The following GRK3 variants were observed in gnomAD, a reference collection of about 807,000 sequenced individuals.
The protein encoded by GRK3 is adrenergic, beta, receptor kinase 2.
In GRK3, 54 loss-of-function variants were observed where a neutral mutation model predicts 95.7. The ratio of observed to expected loss-of-function variants is 0.56; its 90% confidence interval spans 0.45 to 0.71. The LOEUF (loss-of-function observed/expected upper bound fraction) is 0.71, where lower values mean the gene tolerates loss of function less well. GRK3 is among the 30% of genes least tolerant of loss of function. The probability of loss-of-function intolerance (pLI) is 0.00; values close to 1 mark genes in which losing one functional copy is unlikely to be tolerated. For missense variants in GRK3, 649 were observed against 851.2 expected (o/e 0.76, Z 2.96); for synonymous variants, 281 against 290.8 (o/e 0.97, Z 0.34).
intron 8 of GRK3, among the ~76,000 whole-genome samples, chr22:25,676,708 AT>A (rs2085032783): frequency 6.6e-6 from 1 of 151,882 alleles, no homozygotes; most frequent in South Asian, 2.1e-4. Context: ...AAAAAAGGAA[AT>A]AATATCAACT....
In GRK3 at chr22:25,649,182, G is replaced by A; in HGVS notation, c.264+4517G>A. The A allele has an allele frequency of 1.1e-5, 15 of 1,357,240 alleles. No individual in the cohort carries two copies. The South Asian group carries it at 1.8e-4, about 16-fold the overall frequency. The allele number at this position is 1,357,240 out of a possible 1,614,324, so 84.1% of individuals were successfully genotyped here. On this transcript the variant is annotated intron_variant, in intron 3 of 20. Transcript: ENST00000324198. ...ATTTGAATATGTTCAGTCCTTCTTG[G>A]GAGACTACTTCACTGCTACAGAGCC...
chr22:25,722,191 C>A, intron 20 of GRK3, 98 bp from the exon 21 acceptor site: 1 of 1,407,106 alleles, frequency 7.1e-7, no homozygotes, highest in Non-Finnish European at 9.9e-7. Flanking sequence ...GTGCTTCCTT[C>A]AGGGGTTCCA....
At chr22:25,565,235 G>C (rs1414910069) in intron 1 of GRK3, 82 bp downstream of exon 1, 2 of 644,464 alleles carry the variant, frequency 3.1e-6, no homozygotes, top group Admixed American at 9.0e-5. Flanking sequence ...TGGAGGGTCG[G>C]GCGCTGAGCC....
At chr22:25,611,544 T>C (rs1006156208) in intron 2 of GRK3, among the ~76,000 whole-genome samples, 5 of 152,224 alleles carry the variant, frequency 3.3e-5, no homozygotes, top group Non-Finnish European at 5.9e-5. Context: ...CTTGTTGTGG[T>C]CTTGATTTGT....
At chr22:25,611,832 T>C (rs2084499509) in intron 2 of GRK3, among the ~76,000 whole-genome samples, 1 of 118,326 alleles carries the variant, frequency 8.5e-6, no homozygotes, top group South Asian at 2.9e-4. Context: ...GTTTAGTGTC[T>C]TTTTTTTTTT....
intron 3 of GRK3, chr22:25,648,157 G>A (rs1452561734): frequency 2.0e-5 from 13 of 664,192 alleles, no homozygotes; most frequent in Middle Eastern, 4.3e-4. Flanking sequence ...AAACAAAAAC[G>A]AGAGAGCGAA....
At chr22:25,595,448 T>C (rs555390524) in intron 1 of GRK3, among the ~76,000 whole-genome samples, 3 of 152,274 alleles carry the variant, frequency 2.0e-5, no homozygotes, top group Non-Finnish European at 4.4e-5. Context: ...TCAAATTACT[T>C]TTTGTGTGTA....
intron 2 of GRK3, among the ~76,000 whole-genome samples, chr22:25,629,848 T>C (rs1365682273): frequency 1.3e-5 from 2 of 152,196 alleles, no homozygotes; most frequent in African/African-American, 4.8e-5. Flanking sequence ...GAGGGTGCTG[T>C]TGCTGTCATC....
intron 2 of GRK3, among the ~76,000 whole-genome samples, chr22:25,615,637 C>T (rs1178111241): frequency 2.1e-5 from 3 of 145,520 alleles, no homozygotes; most frequent in Non-Finnish European, 4.5e-5. Context: ...TACCTTTCTC[C>T]TAAGCACTGG....
intron 2 of GRK3, among the ~76,000 whole-genome samples, chr22:25,640,399 G>A (rs191831461): frequency 9.9e-5 from 15 of 152,152 alleles, no homozygotes; most frequent in East Asian, 9.6e-4. Flanking sequence ...ACACTAATCC[G>A]TAAGCGCTTT....
rs542118090 is a variant in GRK3, at chr22:25,726,226, C to G, written c.*3776C>G. Reference sequence around the variant, plus strand: ...TTTCTCTGCTTTTTAAAATTTCACTCGGAATTTGTAGCTGGGCCAATTCAA... The same window carrying G: ...TTTCTCTGCTTTTTAAAATTTCACTGGGAATTTGTAGCTGGGCCAATTCAA... On this transcript the variant is annotated 3_prime_UTR_variant, in exon 21 of 21. Transcript: ENST00000324198. 1 of 152,162 alleles carries G rather than the reference C, an allele frequency of 6.6e-6. No homozygotes were observed. Among genetic ancestry groups the G allele is most frequent in the South Asian group, 2.1e-4 (1 of 4,826 alleles). The allele number at this position is 152,162 out of a possible 1,614,324, so 9.4% of individuals were successfully genotyped here.
intron 2 of GRK3, among the ~76,000 whole-genome samples, chr22:25,620,004 TTTTG>T (rs1318870609): frequency 0.029 from 3,461 of 120,494 alleles, 185 homozygotes; most frequent in African/African-American, 0.085. Flanking sequence ...CCTTTGTCTT[TTTTG>T]TGTGTGTGTG....
At chr22:25,627,116 C>T (rs2084633552) in intron 2 of GRK3, among the ~76,000 whole-genome samples, 1 of 152,184 alleles carries the variant, frequency 6.6e-6, no homozygotes, top group South Asian at 2.1e-4. Context: ...TAATACCTAC[C>T]TTCAGCCTTG....
Position 25,724,011 on chromosome 22 carries a change from A to T in GRK3, c.*1561A>T, listed in dbSNP as rs116994833. 1 of 151,560 alleles carries T rather than the reference A, an allele frequency of 6.6e-6. No homozygotes were observed. Among genetic ancestry groups the T allele is most frequent in the African/African-American group, 2.4e-5 (1 of 41,214 alleles). 9.4% of individuals were successfully genotyped at this position (151,560 alleles called of 1,614,324 possible). A position where few individuals can be genotyped will look rare whatever the true frequency, so the allele number is the denominator to read the frequency against. ...ACTACTAGTTGGGGTTTAAATTAAC[A>T]TACATTTTCTACTATCTGTTATTTC... On this transcript the variant is annotated 3_prime_UTR_variant, in exon 21 of 21. Transcript: ENST00000324198.
chr22:25,700,128 T>G (rs563860176), intron 13 of GRK3, among the ~76,000 whole-genome samples: 1 of 152,228 alleles, frequency 6.6e-6, no homozygotes, highest in South Asian at 2.1e-4. Flanking sequence ...GGAGAAGGAG[T>G]CTGGATGGGA....
chr22:25,687,022 G>T (rs1319941140), intron 10 of GRK3, among the ~76,000 whole-genome samples: 1 of 151,772 alleles, frequency 6.6e-6, no homozygotes, highest in African/African-American at 2.4e-5. Flanking sequence ...GTTTCACCAT[G>T]TTGACCAGGC....
In GRK3 at chr22:25,703,573, C is replaced by T. The variant is rs987517126; in HGVS notation, c.1224C>T (p.Thr408=). 2.5e-6 allele frequency: 4 copies of T among 1,609,542 alleles called. No homozygotes were observed. The highest frequency in any genetic ancestry group is 2.6e-6 in the Non-Finnish European group (3 of 1,176,196). ...DKHEIDRMTL[T]VNVELPDTFS... Reference sequence around the variant, plus strand: ...ATGAAATTGACCGAATGACACTCACCGTGGTAAGGGGATTCAAAACTGTAT... The same window carrying T: ...ATGAAATTGACCGAATGACACTCACTGTGGTAAGGGGATTCAAAACTGTAT... Residue 408 remains threonine (T), a synonymous_variant, in exon 14 of 21, where the codon ACC becomes ACT. Transcript: ENST00000324198.
intron 12 of GRK3, 61 bp downstream of exon 12, chr22:25,690,344 C>G (rs1184434692): frequency 8.6e-7 from 1 of 1,169,270 alleles, no homozygotes; most frequent in East Asian, 2.4e-5. Flanking sequence ...AAAGGCGTGG[C>G]CATTTGTCAC....
chr22:25,698,410 C>T (rs2085228480), intron 13 of GRK3, among the ~76,000 whole-genome samples: 1 of 152,138 alleles, frequency 6.6e-6, no homozygotes, highest in Admixed American at 6.5e-5. Flanking sequence ...CTAACTTTGA[C>T]AGTAGCGATG....
Sources: allele counts gnomAD v4.1 joint callset (sites outside exome capture counted in the v4.1 genomes callset), GRCh38; gene constraint gnomAD v4.1.1; transcripts MANE v1.5; gene names NCBI Gene and HGNC (gene_info 2026-07-23, HGNC 2026-07-21).